Variants in HERC1 observed in about 807,000 individuals in gnomAD.
HERC1 encodes the protein probable E3 ubiquitin-protein ligase HERC1.
HERC1 carries 160 observed loss-of-function variants against 554.3 expected under a neutral mutation model. The ratio of observed to expected loss-of-function variants is 0.29; its 90% CI spans 0.25 to 0.33. HERC1 has a LOEUF of 0.33. Ranked by LOEUF, HERC1 falls within the 10% of genes least tolerant of loss-of-function variation. The pLI is 1.00. For missense variants in HERC1, 4,919 were observed against 5,918.5 expected (o/e 0.83, Z 5.54); for synonymous variants, 2,175 against 2,131.7 (o/e 1.02, Z -0.56).
At chr15:63,649,665 AG>A in intron 54 of HERC1, 59 bp downstream of exon 54, 1 of 1,374,302 alleles carries the variant, frequency 7.3e-7, no homozygotes, top group Non-Finnish European at 1.0e-6. Context: ...AATGCCAAAA[AG>A]CTAAGTCTAG....
In HERC1 at chr15:63,760,320, G is replaced by A. The variant is rs7167009; in HGVS notation, c.1027-1951C>T. Among the ~76,000 whole-genome samples the A allele has an allele frequency of 4.8e-3, 716 of 150,324 alleles. 10 individuals are homozygous for A. Among genetic ancestry groups the A allele is most frequent in the African/African-American group, 0.017 (685 of 40,826 alleles). On this transcript the variant is annotated intron_variant, in intron 3 of 77. Coordinates refer to ENST00000443617, the MANE Select transcript of HERC1 (RefSeq NM_003922.4). The stretch of plus-strand genomic sequence containing the variant: ...AAGAGTTCAGGAAAACTAATCCTAC[G>A]TAGAAATAAGCAACAGAAAAGTATT...
At chr15:63,761,560 G>A (rs1361027896) in intron 3 of HERC1, among the ~76,000 whole-genome samples, 1 of 144,494 alleles carries the variant, frequency 6.9e-6, no homozygotes, top group East Asian at 2.0e-4. Flanking sequence ...GCACACTCTA[G>A]CCTGGGCAAC....
intron 25 of HERC1, among the ~76,000 whole-genome samples, chr15:63,700,847 A>C (rs2072679570): frequency 6.6e-6 from 1 of 152,018 alleles, no homozygotes; most frequent in African/African-American, 2.4e-5. Flanking sequence ...TTCAAAGAAT[A>C]ATATCATAGA....
rs1323038036 is a variant in HERC1, at chr15:63,716,323, G to A, written c.4129C>T (p.His1377Tyr). Reference protein sequence around the residue: ...EPEDEEEEREHEVMTAGKIFQ... With the variant: ...EPEDEEEEREYEVMTAGKIFQ... ...TCACTGCCAGCTGTCATCACTTCAT[G>A]TTCCCGTTCCTCCTCTTCATCCTCT... The change falls in exon 22 of 78, where the codon CAT (histidine) becomes TAT (tyrosine). Residue 1377 changes from histidine (H) to tyrosine (Y), a missense_variant. His to Tyr is a moderately conservative substitution (Grantham distance 83, BLOSUM62 2). Around this residue, in one of 11 missense-constraint regions of HERC1, gnomAD observed 1,121 missense variants for 1,244.0 expected, o/e 0.90. Transcript: ENST00000443617. 1 of 1,613,492 alleles carries A rather than the reference G, an allele frequency of 6.2e-7. No individual in the cohort carries two copies. The highest frequency in any genetic ancestry group is 2.2e-5 in the East Asian group (1 of 44,862).
chr15:63,710,326 C>T (rs1051925519), intron 24 of HERC1, among the ~76,000 whole-genome samples: 4 of 152,030 alleles, frequency 2.6e-5, no homozygotes, highest in Admixed American at 2.0e-4. Context: ...AGGAGCAAAA[C>T]TGGAAAAAGT....
Position 63,640,153 on chromosome 15 carries a change from A to T in HERC1, c.11900T>A (p.Met3967Lys). The T allele has an allele frequency of 6.2e-7, 1 of 1,613,296 alleles. No homozygotes were observed. Among genetic ancestry groups the T allele is most frequent in the Non-Finnish European group, 8.5e-7 (1 of 1,179,432 alleles). Residue 3967 changes from methionine (M) to lysine (K), a missense_variant and splice_region_variant, in exon 61 of 78, where the codon ATG becomes AAG. Met to Lys is a moderately conservative substitution (Grantham distance 95, BLOSUM62 -1). Coordinates refer to ENST00000443617, the MANE Select transcript of HERC1 (RefSeq NM_003922.4). Reference sequence around the variant, plus strand: ...AATAGCAGCTCACAGTACATTTACCATTAGAAATACAAGTTCATCCTCTGG... The same window carrying T: ...AATAGCAGCTCACAGTACATTTACCTTTAGAAATACAAGTTCATCCTCTGG... ...PVPEDELVFL[M>K]DNSKWINGMD...
At chr15:63,623,304 C>T (rs930479856) in intron 73 of HERC1, among the ~76,000 whole-genome samples, 1 of 152,216 alleles carries the variant, frequency 6.6e-6, no homozygotes, top group Non-Finnish European at 1.5e-5. Context: ...AAAATTAGAA[C>T]TGGTCTAATT....
chr15:63,686,299 A>C, intron 34 of HERC1, 60 bp downstream of exon 34: 1 of 1,249,210 alleles, frequency 8.0e-7, no homozygotes, highest in Non-Finnish European at 1.1e-6. Flanking sequence ...TTATTATAAG[A>C]ACCTGGAAAA....
chr15:63,712,451 G>A (rs534726882), intron 24 of HERC1, among the ~76,000 whole-genome samples: 2 of 152,234 alleles, frequency 1.3e-5, no homozygotes, highest in South Asian at 4.1e-4. Context: ...ACTAAAATAG[G>A]GAATAAAAGA....
chr15:63,668,677 A>C (rs1210818925), intron 40 of HERC1, among the ~76,000 whole-genome samples: 1 of 152,202 alleles, frequency 6.6e-6, no homozygotes, highest in East Asian at 1.9e-4. Flanking sequence ...AAATATCACC[A>C]AGGATAAAGG....
intron 1 of HERC1, among the ~76,000 whole-genome samples, chr15:63,821,279 G>A (rs960636845): frequency 1.2e-4 from 18 of 152,164 alleles, no homozygotes; most frequent in Admixed American, 1.1e-3. Flanking sequence ...AGGGGGCCGG[G>A]TGCAGTGGCT....
rs562735756 is a variant in HERC1 at position 63,653,994 on chromosome 15, G to A, written c.10290+125C>T. On this transcript the variant is annotated intron_variant, in intron 51 of 77. Coordinates refer to ENST00000443617, the MANE Select transcript of HERC1 (RefSeq NM_003922.4). ...AACATCTTTGTAATTGTGTGCATGT[G>A]TATGTGTACGTGTGAAAGAGAGTGA... The A allele has an allele frequency of 2.7e-5, 19 of 698,242 alleles. No individual in the cohort carries two copies. In the South Asian group the frequency reaches 2.7e-4, roughly 10 times the overall value. 43.3% of individuals were successfully genotyped at this position (698,242 alleles called of 1,614,324 possible). A position where few individuals can be genotyped will look rare whatever the true frequency, so the allele number is the denominator to read the frequency against.
At chr15:63,667,855 G>A (rs993892815) in intron 40 of HERC1, among the ~76,000 whole-genome samples, 1 of 152,198 alleles carries the variant, frequency 6.6e-6, no homozygotes, top group African/African-American at 2.4e-5. Flanking sequence ...ACTCCTGGGA[G>A]AGCAAGACTA....
At chr15:63,626,633 T>C (rs911127602) in intron 70 of HERC1, among the ~76,000 whole-genome samples, 4 of 152,152 alleles carry the variant, frequency 2.6e-5, no homozygotes, top group African/African-American at 4.8e-5. Context: ...CAGAAACATA[T>C]AGGTGCATGA....
chr15:63,647,075 T>C (rs1190702476), intron 55 of HERC1, among the ~76,000 whole-genome samples: 1 of 151,814 alleles, frequency 6.6e-6, no homozygotes, highest in African/African-American at 2.4e-5. Flanking sequence ...ACCAACATGG[T>C]GAAACCCTGT....
At chr15:63,750,534 A>G (rs2075200847) in intron 8 of HERC1, among the ~76,000 whole-genome samples, 1 of 152,242 alleles carries the variant, frequency 6.6e-6, no homozygotes, top group African/African-American at 2.4e-5. Flanking sequence ...TGGTAAGATT[A>G]TATAGATTCT....
In HERC1 at chr15:63,818,976, C is replaced by T. The variant is rs555537819; in HGVS notation, c.-27+14851G>A. Reference sequence around the variant, plus strand: ...TTTTAATCTAAATTTATGTAAAACGCCTAGGCTTTTGGTATAACAAACATT... The same window carrying T: ...TTTTAATCTAAATTTATGTAAAACGTCTAGGCTTTTGGTATAACAAACATT... On this transcript the variant is annotated intron_variant, in intron 1 of 77. Transcript: ENST00000443617. Among the ~76,000 whole-genome samples, 5 of 152,310 alleles carry T rather than the reference C, an allele frequency of 3.3e-5. No individual in the cohort carries two copies. In the East Asian group the frequency reaches 7.7e-4, roughly 23 times the overall value.
chr15:63,721,634 G>A (rs2073826439), intron 19 of HERC1, among the ~76,000 whole-genome samples: 1 of 151,872 alleles, frequency 6.6e-6, no homozygotes, highest in Non-Finnish European at 1.5e-5. Flanking sequence ...AAAAATAAAG[G>A]CCAATAAAAA....
rs2073688984 is a variant in HERC1, at chr15:63,718,968, T to G, written c.3743-71A>C. ...CAGTTCAGAGGTAATTTTTATAGCT[T>G]TAGTCATCCAACACCTGAATTTTAT... On this transcript the variant is annotated intron_variant, in intron 19 of 77. Transcript: ENST00000443617. The surrounding 1 kb of genome is among the most constrained non-coding windows in gnomAD (Gnocchi z 4.2). The G allele has an allele frequency of 9.8e-7, 1 of 1,017,164 alleles. No homozygotes were observed. Among genetic ancestry groups the G allele is most frequent in the African/African-American group, 1.6e-5 (1 of 62,098 alleles). The allele number at this position is 1,017,164 out of a possible 1,614,324, so 63.0% of individuals were successfully genotyped here.
Sources: gnomAD v4.1 joint callset for allele counts (sites outside exome capture counted in the v4.1 genomes callset) on GRCh38, gnomAD v4.1.1 for gene constraint, gnomAD v4.1.1 regional missense constraint, Gnocchi (gnomAD v3.1) non-coding constraint, MANE v1.5 for transcripts, NCBI Gene and HGNC (gene_info 2026-07-23, HGNC 2026-07-21) for gene names.